The following MELTF variants were observed in gnomAD, a reference collection of about 807,000 sequenced individuals.
MELTF encodes melanotransferrin, also known as antigen p97 (melanoma associated) identified by monoclonal antibodies 133.2 and 96.5.
Under a neutral mutation model 83.7 loss-of-function variants are expected in MELTF, and 67 were observed. The ratio of observed to expected loss-of-function variants is 0.80; its 90% confidence interval spans 0.66 to 0.98. MELTF has a LOEUF of 0.98. Ranked by LOEUF, MELTF falls within the 50% of genes least tolerant of loss-of-function variation. MELTF has a pLI of 0.00. For synonymous variants in MELTF, 462 were observed against 447.6 expected, an observed-to-expected ratio of 1.03 and a Z score of -0.41; for missense variants, 1,002 against 1,035.6, an observed-to-expected ratio of 0.97 and a Z score of 0.44.
chr3:197,002,626 G>A lies in MELTF; in HGVS notation c.*746C>T, dbSNP rs1039371170. Reference sequence around the variant, plus strand: ...GGGGGCGGCTGCTGCCGCCAGGCTCGGGCGTGGGTGCGGGCGGTGGGCATC... The same window carrying A: ...GGGGGCGGCTGCTGCCGCCAGGCTCAGGCGTGGGTGCGGGCGGTGGGCATC... On this transcript the variant is annotated 3_prime_UTR_variant, in exon 16 of 16. Coordinates refer to ENST00000296350, the MANE Select transcript of MELTF (RefSeq NM_005929.6). 6.6e-6 allele frequency: 1 copy of A among 152,290 alleles called. No homozygotes were observed. Among genetic ancestry groups the A allele is most frequent in the Non-Finnish European group, 1.5e-5 (1 of 68,134 alleles). 9.4% of individuals were successfully genotyped at this position (152,290 alleles called of 1,614,324 possible).
At chr3:197,015,030 A>G (rs1719310347) in intron 9 of MELTF, among the ~76,000 whole-genome samples, 1 of 152,230 alleles carries the variant, frequency 6.6e-6, no homozygotes, top group Non-Finnish European at 1.5e-5. Flanking sequence ...GGCTTGCCCC[A>G]GGCTACAGGG....
At chr3:197,010,831 G>T in intron 9 of MELTF, 37 bp from the exon 10 acceptor site, 2 of 1,587,394 alleles carry the variant, frequency 1.3e-6, no homozygotes, top group Middle Eastern at 1.7e-4. Context: ...GCCGGGGTGG[G>T]CCCAGGATGG....
intron 6 of MELTF, chr3:197,019,146 G>T: frequency 1.0e-6 from 1 of 987,768 alleles, no homozygotes; most frequent in South Asian, 4.7e-5. Flanking sequence ...TGGCCACATG[G>T]TAGTTTACAG....
At chr3:197,019,711 G>C (rs1447757319) in intron 6 of MELTF, 3 of 1,613,912 alleles carry the variant, frequency 1.9e-6, no homozygotes, top group Non-Finnish European at 2.5e-6. Context: ...CCCAGCACTA[G>C]AGCGCATCGT....
In MELTF at chr3:197,015,425, G is replaced by A. The variant is rs1318532178; in HGVS notation, c.1173C>T (p.Leu391=). The part of the protein sequence containing the change: ...DMAVAFRRQR[L]KPEIQCVSAK... ...CTGACACGCACTGGATCTCTGGCTT[G>A]AGCCGCTGCCGGCGGAAGGCCACGG... Residue 391 remains leucine, a synonymous_variant, in exon 9 of 16, where the codon CTC becomes CTT. Transcript: ENST00000296350. 1 of 1,597,290 alleles carries A rather than the reference G, an allele frequency of 6.3e-7. No individual in the cohort carries two copies. The highest frequency in any genetic ancestry group is 1.1e-5 in the South Asian group (1 of 88,134).
intron 9 of MELTF, among the ~76,000 whole-genome samples, chr3:197,015,091 TAGTG>T (rs1393729714): frequency 6.6e-6 from 1 of 152,142 alleles, no homozygotes; most frequent in African/African-American, 2.4e-5. Flanking sequence ...CACCCCCACT[TAGTG>T]AGGAGCTCCC....
At chr3:197,018,660 C>T (rs573884410) in intron 6 of MELTF, among the ~76,000 whole-genome samples, 55 of 147,682 alleles carry the variant, frequency 3.7e-4, no homozygotes, top group African/African-American at 1.4e-3. Context: ...TTGGCCAGGC[C>T]GGTCTTGAAC....
rs1219065536 is a variant in MELTF, at chr3:197,027,776, G to A, written c.184C>T (p.His62Tyr). The stretch of plus-strand genomic sequence containing the variant: ...CTCACCGCGATGAGCTGGACGCAGT[G>A]GTCGGCGGAGGTGCCCCGGACGCAG... ...LLCVRGTSAD[H>Y]CVQLIAAQEA... The change falls in exon 2 of 16, where the codon CAC (histidine) becomes TAC (tyrosine). Residue 62 changes from histidine (H) to tyrosine (Y), a missense_variant. Coordinates refer to ENST00000296350, the MANE Select transcript of MELTF (RefSeq NM_005929.6). 1 of 1,610,402 alleles carries A rather than the reference G, an allele frequency of 6.2e-7. No individual in the cohort carries two copies. Among genetic ancestry groups the A allele is most frequent in the Non-Finnish European group, 8.5e-7 (1 of 1,178,910 alleles).
intron 8 of MELTF, among the ~76,000 whole-genome samples, chr3:197,015,973 C>G (rs952304569): frequency 6.6e-6 from 1 of 152,176 alleles, no homozygotes; most frequent in Non-Finnish European, 1.5e-5. Flanking sequence ...GCATCCTCCC[C>G]CGCTGCGGCC....
intron 2 of MELTF, among the ~76,000 whole-genome samples, chr3:197,027,496 A>G (rs1312275813): frequency 6.6e-6 from 1 of 152,242 alleles, no homozygotes; most frequent in Non-Finnish European, 1.5e-5. Context: ...CCCCCTTGGC[A>G]GGGGCCTTGT....
rs922116034 is a variant in MELTF, at chr3:197,024,552, T to C, written c.305-67A>G. 7.0e-7 allele frequency: 1 copy of C among 1,431,206 alleles called. No homozygotes were observed. Among genetic ancestry groups the C allele is most frequent in the African/African-American group, 1.4e-5 (1 of 70,080 alleles). 88.7% of individuals were successfully genotyped at this position (1,431,206 alleles called of 1,614,324 possible). On this transcript the variant is annotated intron_variant, in intron 3 of 15. Transcript: ENST00000296350. This position sits in a 1 kb window ranked among gnomAD's most constrained non-coding sequence, Gnocchi z 5.3. ...CTCGAGAGAGGCTGCACCAGCACCC[T>C]GCCTGGGCGGGCTGTGGGAGAGGTG...
chr3:197,027,261 G>T (rs1719893422), intron 2 of MELTF, among the ~76,000 whole-genome samples: 2 of 152,152 alleles, frequency 1.3e-5, no homozygotes, highest in Non-Finnish European at 2.9e-5. Context: ...AGCTTTCTTT[G>T]CACCCACCCA....
At chr3:197,027,520 C>A (rs1345688330) in intron 2 of MELTF, among the ~76,000 whole-genome samples, 1 of 152,268 alleles carries the variant, frequency 6.6e-6, no homozygotes. Flanking sequence ...AGGGAAGCCT[C>A]TCAGGTGCCT....
chr3:197,003,519 T>TGTGGTG lies in MELTF; in HGVS notation c.2138-69_2138-68insCACCAC. On this transcript the variant is annotated intron_variant, in intron 15 of 15. Transcript: ENST00000296350. The surrounding 1 kb of genome is among the most constrained non-coding windows in gnomAD (Gnocchi z 6.2). ...CGGTGGCCGCCTCAGGCGCCCGCTC[T>TGTGGTG]GGGGTGGGGGTGGGGGCATCTTTCG... The TGTGGTG allele has an allele frequency of 6.2e-6, 1 of 161,544 alleles. No individual in the cohort carries two copies. The highest frequency in any genetic ancestry group is 1.0e-5 in the Non-Finnish European group (1 of 98,450). 10.0% of individuals were successfully genotyped at this position (161,544 alleles called of 1,614,324 possible).
In MELTF at chr3:197,021,577, G is replaced by C. The variant is rs575814282; in HGVS notation, c.645-106C>G. On this transcript the variant is annotated intron_variant, in intron 5 of 15. Transcript: ENST00000296350. ...CTGTAGGGGTGGCCATGATGGGCAT[G>C]GGCTTTCCAGTTGTGTGGTCTGGGT... The C allele has an allele frequency of 1.6e-5, 16 of 1,007,450 alleles. No individual in the cohort carries two copies. The East Asian group carries it at 3.8e-4, about 24-fold the overall frequency. The allele number at this position is 1,007,450 out of a possible 1,614,324, so 62.4% of individuals were successfully genotyped here.
In MELTF at chr3:197,022,533, C is replaced by T. The variant is rs866453089; in HGVS notation, c.644+424G>A. Among the ~76,000 whole-genome samples, 3 of 152,084 alleles carry T rather than the reference C, an allele frequency of 2.0e-5. No individual in the cohort carries two copies. The highest frequency in any genetic ancestry group is 4.4e-5 in the Non-Finnish European group (3 of 68,010). ...TCTGCAGGCAGATGGAATTGGACCACGAGCTGTTAGAGTCTCCTGCATCCA... is the reference window on the plus strand; with the variant it reads ...TCTGCAGGCAGATGGAATTGGACCATGAGCTGTTAGAGTCTCCTGCATCCA... On this transcript the variant is annotated intron_variant, in intron 5 of 15. Transcript: ENST00000296350. The surrounding 1 kb of genome is among the most constrained non-coding windows in gnomAD (Gnocchi z 5.1).
In MELTF at chr3:197,011,500, G is replaced by A. The variant is rs1439585407; in HGVS notation, c.1234-706C>T. Among the ~76,000 whole-genome samples, 6 of 152,236 alleles carry A rather than the reference G, an allele frequency of 3.9e-5. No homozygotes were observed. Among genetic ancestry groups the A allele is most frequent in the Non-Finnish European group, 8.8e-5 (6 of 68,036 alleles). On this transcript the variant is annotated intron_variant, in intron 9 of 15. Transcript: ENST00000296350. The surrounding 1 kb of genome is among the most constrained non-coding windows in gnomAD (Gnocchi z 4.2). Reference sequence around the variant, plus strand: ...AAGGGAAGGGGATGACAGTGTGACAGTGGGGGAGAGTGCGGACACCTGTGC... The same window carrying A: ...AAGGGAAGGGGATGACAGTGTGACAATGGGGGAGAGTGCGGACACCTGTGC...
At chr3:197,026,623 G>T in intron 3 of MELTF, 37 bp downstream of exon 3, 1 of 1,578,882 alleles carries the variant, frequency 6.3e-7, no homozygotes, top group Non-Finnish European at 8.7e-7. Flanking sequence ...GACTTCCAGC[G>T]CAGGCTGTCC....
chr3:197,009,719 G>C lies in MELTF; in HGVS notation c.1424C>G (p.Ser475Cys). Residue 475 changes from serine (S) to cysteine (C), a missense_variant, in exon 11 of 16, where the codon TCC (serine) becomes TGC (cysteine). Physicochemically the swap from Ser to Cys is moderately radical, Grantham distance 112. Transcript: ENST00000296350. The part of the protein sequence containing the change: ...FTLDELRGKR[S>C]CHAGFGSPAG... ...AGGGCTGCCGAAACCGGCGTGGCAGGAGCGCTTGCCCCGAAGCTCATCCAA... is the reference window on the plus strand; with the variant it reads ...AGGGCTGCCGAAACCGGCGTGGCAGCAGCGCTTGCCCCGAAGCTCATCCAA... 6.2e-7 allele frequency: 1 copy of C among 1,613,660 alleles called. No individual in the cohort carries two copies.
Sources: allele counts gnomAD v4.1 joint callset (sites outside exome capture counted in the v4.1 genomes callset), GRCh38; gene constraint gnomAD v4.1.1; non-coding constraint Gnocchi (gnomAD v3.1); transcripts MANE v1.5; gene names NCBI Gene and HGNC (gene_info 2026-07-23, HGNC 2026-07-21).